Variants in RFX4 observed in about 807,000 individuals in gnomAD.
RFX4 encodes transcription factor RFX4.
Under a neutral mutation model 95.0 loss-of-function variants are expected in RFX4, and 10 were observed. That is an observed-to-expected ratio of 0.11 (90% CI 0.06 to 0.18). RFX4 has a LOEUF of 0.18. Among genes scored for constraint, RFX4 ranks in the 10% least tolerant of loss-of-function variants. RFX4 has a pLI of 1.00. For missense variants in RFX4, 640 were observed against 922.0 expected, an observed-to-expected ratio of 0.69 and a Z score of 3.96; for synonymous variants, 321 against 340.7, an observed-to-expected ratio of 0.94 and a Z score of 0.64.
chr12:106,615,081 T>C (rs2040046879), intron 2 of RFX4, among the ~76,000 whole-genome samples: 1 of 152,198 alleles, frequency 6.6e-6, no homozygotes, highest in Non-Finnish European at 1.5e-5. Flanking sequence ...CATGAAGGTC[T>C]TTTTAACATA....
At chr12:106,630,592 A>G (rs2040399732) in intron 2 of RFX4, among the ~76,000 whole-genome samples, 1 of 152,222 alleles carries the variant, frequency 6.6e-6, no homozygotes, top group African/African-American at 2.4e-5. Flanking sequence ...AACGTTTGGC[A>G]GCCCCATGTT....
intron 1 of RFX4, among the ~76,000 whole-genome samples, chr12:106,607,834 A>T (rs2039869874): frequency 6.6e-6 from 1 of 152,140 alleles, no homozygotes. Context: ...TACATTGCAA[A>T]AAATACATTG....
At chr12:106,711,095 C>A (rs2042183999) in intron 9 of RFX4, among the ~76,000 whole-genome samples, 1 of 152,188 alleles carries the variant, frequency 6.6e-6, no homozygotes, top group African/African-American at 2.4e-5. Context: ...TTGATTCCTG[C>A]AATTATTTAC....
chr12:106,666,108 T>A (rs1307233088), intron 4 of RFX4, among the ~76,000 whole-genome samples: 1 of 152,026 alleles, frequency 6.6e-6, no homozygotes, highest in Non-Finnish European at 1.5e-5. Flanking sequence ...TCTGAGATAG[T>A]CTCTACTACT....
chr12:106,651,488 T>C (rs533459277), intron 3 of RFX4, among the ~76,000 whole-genome samples: 2 of 152,252 alleles, frequency 1.3e-5, no homozygotes, highest in African/African-American at 4.8e-5. Flanking sequence ...AACTCTTCTA[T>C]GAAACTTTAA....
intron 15 of RFX4, among the ~76,000 whole-genome samples, chr12:106,742,005 C>G (rs560606675): frequency 6.6e-6 from 1 of 152,140 alleles, no homozygotes. Context: ...ACCTCTTGTG[C>G]GGCCCAGTTC....
rs181608251 is a variant in RFX4, at chr12:106,739,468, C to T, written c.1633+6383C>T. Among the ~76,000 whole-genome samples the T allele has an allele frequency of 4.6e-3, 694 of 151,974 alleles. 4 individuals are homozygous for T. Among genetic ancestry groups the T allele is most frequent in the African/African-American group, 0.016 (670 of 41,440 alleles). On this transcript the variant is annotated intron_variant, in intron 15 of 17. Transcript: ENST00000392842. The stretch of plus-strand genomic sequence containing the variant: ...TTGCACATAACCTTTTGGCATCCTT[C>T]GATACAAGGACTAGGGAATACAAGG...
At chr12:106,593,787 A>G (rs934689787) in intron 1 of RFX4, among the ~76,000 whole-genome samples, 6 of 152,204 alleles carry the variant, frequency 3.9e-5, no homozygotes, top group Non-Finnish European at 8.8e-5. Flanking sequence ...CATACATAGA[A>G]CATATTTATA....
intron 17 of RFX4, among the ~76,000 whole-genome samples, chr12:106,753,355 C>T (rs1593019978): frequency 6.6e-6 from 1 of 152,050 alleles, no homozygotes; most frequent in African/African-American, 2.4e-5. Context: ...ATCATATTGC[C>T]GTCTTTGTGG....
intron 2 of RFX4, among the ~76,000 whole-genome samples, chr12:106,635,702 A>G (rs2040498305): frequency 2.0e-5 from 3 of 152,202 alleles, no homozygotes; most frequent in African/African-American, 7.2e-5. Context: ...CAAGCAGCTG[A>G]ACATTTTAGA....
At chr12:106,754,833 C>T (rs529882064) in intron 17 of RFX4, among the ~76,000 whole-genome samples, 38 of 152,318 alleles carry the variant, frequency 2.5e-4, no homozygotes, top group Non-Finnish European at 4.7e-4. Flanking sequence ...ACGAGTGCCT[C>T]TGACACTCCC....
intron 2 of RFX4, among the ~76,000 whole-genome samples, chr12:106,624,721 A>C (rs1177091336): frequency 6.6e-6 from 1 of 152,192 alleles, no homozygotes; most frequent in African/African-American, 2.4e-5. Flanking sequence ...AGAGCCTAAA[A>C]TATTTACTAT....
At chr12:106,727,729 C>T (rs1210159765) in intron 13 of RFX4, among the ~76,000 whole-genome samples, 1 of 152,086 alleles carries the variant, frequency 6.6e-6, no homozygotes, top group East Asian at 1.9e-4. Flanking sequence ...AAACCATTCT[C>T]CTGCCTCAGC....
intron 8 of RFX4, among the ~76,000 whole-genome samples, chr12:106,701,537 G>A (rs1167894430): frequency 4.0e-5 from 6 of 151,698 alleles, no homozygotes; most frequent in East Asian, 1.9e-4. Flanking sequence ...CACAACTCCC[G>A]GATGCTTGAT....
intron 17 of RFX4, among the ~76,000 whole-genome samples, chr12:106,751,385 C>T (rs1322741691): frequency 5.4e-5 from 8 of 147,606 alleles, no homozygotes; most frequent in African/African-American, 7.5e-5. Flanking sequence ...TGAATAATGC[C>T]GCAATAAACA....
chr12:106,597,772 A>G (rs2039643390), intron 1 of RFX4, among the ~76,000 whole-genome samples: 1 of 152,150 alleles, frequency 6.6e-6, no homozygotes, highest in African/African-American at 2.4e-5. Flanking sequence ...AGGTGAGAGA[A>G]TCACTTGAAC....
chr12:106,715,504 G>A lies in RFX4; in HGVS notation c.1098G>A (p.Met366Ile), dbSNP rs1233948734. ...TCACCAAGCAAACCCTTTACACCAT[G>A]GAAGACTCTCGCGATGAGCACCGGA... ...NSITKQTLYT[M>I]EDSRDEHRKL... is the part of the protein sequence containing the mutation. Residue 366 changes from methionine (M) to isoleucine (I), a missense_variant, in exon 11 of 18, where the codon ATG (methionine) becomes ATA (isoleucine). Met to Ile is a conservative substitution (Grantham distance 10, BLOSUM62 1). Around this residue, in one of 7 missense-constraint regions of RFX4, gnomAD observed 72 missense variants for 80.5 expected, o/e 0.89. Transcript: ENST00000392842. The A allele has an allele frequency of 1.2e-6, 2 of 1,614,148 alleles. No individual in the cohort carries two copies. The highest frequency in any genetic ancestry group is 1.7e-6 in the Non-Finnish European group (2 of 1,180,010).
intron 3 of RFX4, among the ~76,000 whole-genome samples, chr12:106,644,236 T>C (rs916714715): frequency 6.7e-6 from 1 of 148,588 alleles, no homozygotes; most frequent in African/African-American, 2.5e-5. Flanking sequence ...TCCCCTTTTT[T>C]TTTTTTTTTT....
chr12:106,743,968 C>G (rs921705842), intron 15 of RFX4, among the ~76,000 whole-genome samples: 2 of 152,058 alleles, frequency 1.3e-5, no homozygotes, highest in African/African-American at 2.4e-5. Flanking sequence ...TTTCTTTTTA[C>G]GGAGGCAATA....
Sources: gnomAD v4.1 joint callset for allele counts (sites outside exome capture counted in the v4.1 genomes callset) on GRCh38, gnomAD v4.1.1 for gene constraint, gnomAD v4.1.1 regional missense constraint, MANE v1.5 for transcripts, NCBI Gene and HGNC (gene_info 2026-07-23, HGNC 2026-07-21) for gene names.